The following MGMT variants were observed in gnomAD, a reference collection of about 807,000 sequenced individuals.
MGMT encodes the protein O-6-methylguanine-DNA methyltransferase.
Under a neutral mutation model 15.9 loss-of-function variants are expected in MGMT, and 14 were observed. The observed-to-expected ratio is 0.88, with a 90% CI of 0.58 to 1.37. The LOEUF (loss-of-function observed/expected upper bound fraction) is 1.37, where lower values mean the gene tolerates loss of function less well. MGMT is among the 40% of genes most tolerant of loss of function. The pLI is 0.00. For synonymous variants in MGMT, 130 were observed against 118.2 expected (o/e 1.10, Z -0.65); for missense variants, 282 against 268.1 (o/e 1.05, Z -0.36).
At chr10:129,593,929 C>T (rs1406880129) in intron 2 of MGMT, among the ~76,000 whole-genome samples, 1 of 152,174 alleles carries the variant, frequency 6.6e-6, no homozygotes, top group Non-Finnish European at 1.5e-5. Context: ...GGTCTCTGGG[C>T]AGGCAGAGGA....
intron 2 of MGMT, among the ~76,000 whole-genome samples, chr10:129,600,025 C>T (rs145751972): frequency 8.9e-4 from 136 of 152,178 alleles, no homozygotes; most frequent in African/African-American, 3.1e-3. Flanking sequence ...AGCAATTTGA[C>T]GGGTCATTTC....
At chr10:129,568,537 A>AC (rs1306043647) in intron 2 of MGMT, among the ~76,000 whole-genome samples, 2 of 152,248 alleles carry the variant, frequency 1.3e-5, no homozygotes, top group Non-Finnish European at 2.9e-5. Flanking sequence ...AGTTAAAAAA[A>AC]ACACACAATA....
At chr10:129,637,176 A>T (rs1847272910) in intron 2 of MGMT, among the ~76,000 whole-genome samples, 1 of 152,208 alleles carries the variant, frequency 6.6e-6, no homozygotes, top group Admixed American at 6.5e-5. Context: ...GAGTGCCTTC[A>T]AGAGTGTTTT....
At chr10:129,762,692 T>G (rs140981600) in intron 4 of MGMT, among the ~76,000 whole-genome samples, 132 of 152,184 alleles carry the variant, frequency 8.7e-4, no homozygotes, top group African/African-American at 3.0e-3. Context: ...TCTCCCCACC[T>G]TTTTCTGAAC....
chr10:129,674,215 T>C (rs1847758679), intron 2 of MGMT, among the ~76,000 whole-genome samples: 1 of 152,202 alleles, frequency 6.6e-6, no homozygotes. Flanking sequence ...TTTATTCTAA[T>C]TCTGAGGTTA....
chr10:129,555,436 C>T (rs1001769125), intron 2 of MGMT, among the ~76,000 whole-genome samples: 3 of 152,130 alleles, frequency 2.0e-5, no homozygotes, highest in Non-Finnish European at 2.9e-5. Context: ...ATAGGCCGGG[C>T]GTGGTGGCTC....
intron 2 of MGMT, among the ~76,000 whole-genome samples, chr10:129,677,980 G>T (rs1020891946): frequency 1.3e-5 from 2 of 152,186 alleles, no homozygotes; most frequent in Non-Finnish European, 2.9e-5. Context: ...AGCCAGCCAT[G>T]AGGTCATAAA....
intron 1 of MGMT, among the ~76,000 whole-genome samples, chr10:129,514,904 C>T (rs995070104): frequency 2.0e-5 from 3 of 152,178 alleles, no homozygotes; most frequent in Non-Finnish European, 4.4e-5. Context: ...GTGAGCATGC[C>T]CCACCCGGAG....
chr10:129,487,666 C>A (rs1188871286), intron 1 of MGMT, among the ~76,000 whole-genome samples: 1 of 151,370 alleles, frequency 6.6e-6, no homozygotes, highest in Non-Finnish European at 1.5e-5. Context: ...ATTTCTTTTT[C>A]TTATTGATTT....
intron 2 of MGMT, among the ~76,000 whole-genome samples, chr10:129,656,040 C>T (rs562826083): frequency 2.0e-4 from 30 of 152,304 alleles, no homozygotes; most frequent in East Asian, 1.7e-3. Context: ...AGCTCTTCAC[C>T]GGACAACCCC....
At position 129,556,736 on chromosome 10, in the gene MGMT, G is replaced by A. The variant is rs542054242; in HGVS notation, c.125+20359G>A. ...TATTTTACACATATTTGAAAAGAAA[G>A]GTTTGAGAAGGCATCCATTATTAAA... On this transcript the variant is annotated intron_variant, in intron 2 of 4. Coordinates refer to ENST00000651593, the MANE Select transcript of MGMT (RefSeq NM_002412.5). This position sits in a 1 kb window ranked among gnomAD's most constrained non-coding sequence, Gnocchi z 4.3. Among the ~76,000 whole-genome samples, 50 of 152,206 alleles carry A rather than the reference G, an allele frequency of 3.3e-4. No homozygotes were observed. Among genetic ancestry groups the A allele is most frequent in the Non-Finnish European group, 5.9e-4 (40 of 68,034 alleles).
chr10:129,650,394 A>G (rs1446555719), intron 2 of MGMT, among the ~76,000 whole-genome samples: 1 of 152,198 alleles, frequency 6.6e-6, no homozygotes, highest in Non-Finnish European at 1.5e-5. Flanking sequence ...TGTGACCTAA[A>G]GCCCTTGCTG....
chr10:129,746,111 C>T (rs538537278), intron 3 of MGMT, among the ~76,000 whole-genome samples: 156 of 151,892 alleles, frequency 1.0e-3, no homozygotes, highest in Non-Finnish European at 9.0e-4. Context: ...TGGTGGCAGG[C>T]GCCTGTAGTC....
intron 2 of MGMT, among the ~76,000 whole-genome samples, chr10:129,628,739 G>A (rs537878696): frequency 6.6e-5 from 10 of 152,332 alleles, no homozygotes; most frequent in South Asian, 4.1e-4. Flanking sequence ...TGCTGGGAGC[G>A]TTGGCTGGAA....
In MGMT at chr10:129,770,524, G is replaced by A. The variant is rs112401979; in HGVS notation, c.*3527G>A. Reference sequence around the variant, plus strand: ...GCTCACCTTGGCTGTCCATGCACCCGTAGCTGTGACCATGGGCGGTGGCGC... The same window carrying A: ...GCTCACCTTGGCTGTCCATGCACCCATAGCTGTGACCATGGGCGGTGGCGC... On this transcript the variant is annotated 3_prime_UTR_variant, in exon 5 of 5. Coordinates refer to ENST00000651593, the MANE Select transcript of MGMT (RefSeq NM_002412.5). Among the ~76,000 whole-genome samples the A allele has an allele frequency of 4.6e-5, 7 of 152,338 alleles. 1 individual carries two copies. The highest frequency in any genetic ancestry group is 2.1e-4 in the South Asian group (1 of 4,828).
At chr10:129,476,478 A>G (rs2119624597) in intron 1 of MGMT, among the ~76,000 whole-genome samples, 1 of 152,284 alleles carries the variant, frequency 6.6e-6, no homozygotes, top group South Asian at 2.1e-4. Context: ...GTGTTGGCTG[A>G]GGAGAAGCAG....
chr10:129,728,534 G>A (rs1205103368), intron 3 of MGMT, among the ~76,000 whole-genome samples: 2 of 152,092 alleles, frequency 1.3e-5, no homozygotes, highest in African/African-American at 4.8e-5. Context: ...GTCTCCTGAC[G>A]CTATCAGGGT....
chr10:129,534,982 G>A (rs945002648), intron 1 of MGMT, among the ~76,000 whole-genome samples: 1 of 152,180 alleles, frequency 6.6e-6, no homozygotes. Context: ...GCAGGAGATT[G>A]TGTGTAAATA....
rs4537676 is a variant in MGMT at position 129,740,307 on chromosome 10, T to A, written c.275-18895T>A. ...GCCTGTGGAGCCACAGCTGCTGAGG[T>A]CCGGTGTTTTTAAAGCCTGAGAGAG... is the stretch of plus-strand genomic sequence containing the variant. On this transcript the variant is annotated intron_variant, in intron 3 of 4. Coordinates refer to ENST00000651593, the MANE Select transcript of MGMT (RefSeq NM_002412.5). Among the ~76,000 whole-genome samples, 79 of 151,970 alleles carry A rather than the reference T, an allele frequency of 5.2e-4. 1 individual carries two copies. In the East Asian group the frequency reaches 0.011, roughly 21 times the overall value.
Sources: gnomAD v4.1 joint callset for allele counts (sites outside exome capture counted in the v4.1 genomes callset) on GRCh38, gnomAD v4.1.1 for gene constraint, Gnocchi (gnomAD v3.1) non-coding constraint, MANE v1.5 for transcripts, NCBI Gene and HGNC (gene_info 2026-07-23, HGNC 2026-07-21) for gene names.